Variants in USP12 observed in about 807,000 individuals in gnomAD.
USP12 encodes the protein ubiquitin specific peptidase 12, also known as ubiquitin carboxyl-terminal hydrolase 12.
In USP12, 19 loss-of-function variants were observed where a neutral mutation model predicts 45.5. The ratio of observed to expected loss-of-function variants is 0.42; its 90% CI spans 0.29 to 0.61. The LOEUF is 0.61. Among genes scored for constraint, USP12 ranks in the 20% least tolerant of loss-of-function variants. USP12 has a pLI of 0.22. For missense variants in USP12, 242 were observed against 447.7 expected (o/e 0.54, Z 4.15); for synonymous variants, 149 against 148.8 (o/e 1.00, Z -0.01).
intron 3 of USP12, among the ~76,000 whole-genome samples, chr13:27,103,607 A>AAAAATAATAATAAT (rs372985958): frequency 3.0e-4 from 38 of 128,506 alleles, no homozygotes; most frequent in African/African-American, 5.6e-4. Context: ...TCAAAAAAAA[A>AAAAATAATAATAAT]AATAATAATA....
intron 1 of USP12, among the ~76,000 whole-genome samples, chr13:27,142,276 C>A (rs1877099896): frequency 6.6e-6 from 1 of 152,058 alleles, no homozygotes; most frequent in African/African-American, 2.4e-5. Context: ...GTATACCAAA[C>A]AATTGACTTG....
intron 3 of USP12, among the ~76,000 whole-genome samples, chr13:27,098,957 G>C (rs1295221420): frequency 6.6e-6 from 1 of 152,168 alleles, no homozygotes; most frequent in Non-Finnish European, 1.5e-5. Context: ...CAACCGGCTG[G>C]AAGCAGTGGC....
intron 1 of USP12, among the ~76,000 whole-genome samples, chr13:27,128,075 A>G (rs1013644807): frequency 6.6e-6 from 1 of 152,248 alleles, no homozygotes; most frequent in African/African-American, 2.4e-5. Context: ...TAAATGTGTT[A>G]TAGAGAATAT....
chr13:27,091,806 C>T (rs1424312434), intron 4 of USP12, among the ~76,000 whole-genome samples: 2 of 152,180 alleles, frequency 1.3e-5, no homozygotes, highest in Admixed American at 1.3e-4. Context: ...TCATAGAGAA[C>T]ACCAGAAAAG....
chr13:27,162,998 C>T (rs772568902), intron 1 of USP12: 1 of 152,108 alleles, frequency 6.6e-6, no homozygotes, highest in Non-Finnish European at 1.5e-5. Flanking sequence ...TTAGTTGGCT[C>T]TTAAACAAGG....
chr13:27,123,307 T>C (rs1461367127), intron 1 of USP12, among the ~76,000 whole-genome samples: 1 of 152,182 alleles, frequency 6.6e-6, no homozygotes, highest in African/African-American at 2.4e-5. Flanking sequence ...CTTCTGTCTA[T>C]AGTACCTTCC....
rs1164813444 is a variant in USP12 at position 27,067,376 on chromosome 13, CA to C, written c.*1906del. The C allele has an allele frequency of 3.3e-5, 5 of 152,134 alleles. No individual in the cohort carries two copies. The highest frequency in any genetic ancestry group is 1.2e-4 in the African/African-American group (5 of 41,424). 9.4% of individuals were successfully genotyped at this position (152,134 alleles called of 1,614,324 possible). A position where few individuals can be genotyped will look rare whatever the true frequency, so the allele number is the denominator to read the frequency against. On this transcript the variant is annotated 3_prime_UTR_variant, in exon 9 of 9. Transcript: ENST00000282344. Reference sequence around the variant, plus strand: ...CCACTTCCACTGCCCTGACTTTCCCCACACTGTTGATTGTGATTCTCTGTGG... The same window carrying C: ...CCACTTCCACTGCCCTGACTTTCCCCCACTGTTGATTGTGATTCTCTGTGG...
At chr13:27,093,890 C>G (rs1019009699) in intron 4 of USP12, among the ~76,000 whole-genome samples, 4 of 152,126 alleles carry the variant, frequency 2.6e-5, no homozygotes, top group African/African-American at 7.2e-5. Context: ...CATGGAAGAA[C>G]CTTAAATGCA....
At chr13:27,085,893 T>C (rs1302188516) in intron 6 of USP12, among the ~76,000 whole-genome samples, 2 of 151,992 alleles carry the variant, frequency 1.3e-5, no homozygotes, top group Non-Finnish European at 2.9e-5. Context: ...GCAGCAGGCG[T>C]GGTATCTAGC....
intron 1 of USP12, chr13:27,117,954 CA>C (rs995773727): frequency 1.5e-4 from 55 of 360,222 alleles, no homozygotes; most frequent in Admixed American, 1.3e-3. Context: ...GAAATAAAAG[CA>C]ATTCTGTTAA....
chr13:27,079,657 G>A (rs1873658237), intron 6 of USP12, among the ~76,000 whole-genome samples: 1 of 152,146 alleles, frequency 6.6e-6, no homozygotes, highest in African/African-American at 2.4e-5. Context: ...AGTCAGAAAC[G>A]TTTTTTAAAG....
chr13:27,156,635 T>A (rs954970743), intron 1 of USP12, among the ~76,000 whole-genome samples: 7 of 152,100 alleles, frequency 4.6e-5, no homozygotes, highest in Admixed American at 1.3e-4. Flanking sequence ...CTGGCCAACA[T>A]GGTGAAACCC....
chr13:27,158,777 A>C (rs951319449), intron 1 of USP12, among the ~76,000 whole-genome samples: 2 of 152,230 alleles, frequency 1.3e-5, no homozygotes, highest in African/African-American at 4.8e-5. Flanking sequence ...AAAATGTGCA[A>C]ACAGTATTAT....
At chr13:27,083,180 A>T (rs1873842164) in intron 6 of USP12, among the ~76,000 whole-genome samples, 1 of 152,256 alleles carries the variant, frequency 6.6e-6, no homozygotes, top group South Asian at 2.1e-4. Context: ...CTCCCAAGAC[A>T]GTTACCATAG....
At chr13:27,093,360 A>T (rs1337884742) in intron 4 of USP12, among the ~76,000 whole-genome samples, 1 of 151,944 alleles carries the variant, frequency 6.6e-6, no homozygotes, top group African/African-American at 2.4e-5. Context: ...AAACAGCCTG[A>T]TTAAAAAATG....
intron 1 of USP12, among the ~76,000 whole-genome samples, chr13:27,125,916 A>G (rs1355429614): frequency 2.0e-5 from 3 of 151,946 alleles, no homozygotes; most frequent in Admixed American, 1.3e-4. Flanking sequence ...GGCGTCCGCC[A>G]TTGCTGAGGC....
At chr13:27,084,633 T>C (rs1272636758) in intron 6 of USP12, among the ~76,000 whole-genome samples, 2 of 152,204 alleles carry the variant, frequency 1.3e-5, no homozygotes, top group African/African-American at 2.4e-5. Flanking sequence ...CCAAAACCAT[T>C]TGCTAAAGAC....
intron 1 of USP12, among the ~76,000 whole-genome samples, chr13:27,149,625 G>A (rs73159781): frequency 0.053 from 8,018 of 152,234 alleles, 253 homozygotes; most frequent in Non-Finnish European, 0.056. Context: ...CTGCAGATGT[G>A]GGGGGTGGGA....
At chr13:27,094,624 A>T (rs535411919) in intron 4 of USP12, among the ~76,000 whole-genome samples, 1 of 152,278 alleles carries the variant, frequency 6.6e-6, no homozygotes, top group East Asian at 1.9e-4. Flanking sequence ...GAAAAACACA[A>T]CATGAATGAT....
Sources: gnomAD v4.1 joint callset for allele counts (sites outside exome capture counted in the v4.1 genomes callset) on GRCh38, gnomAD v4.1.1 for gene constraint, MANE v1.5 for transcripts, NCBI Gene and HGNC (gene_info 2026-07-23, HGNC 2026-07-21) for gene names.